Variants in SLC35F4 observed in about 807,000 individuals in gnomAD.
The protein encoded by SLC35F4 is solute carrier family 35 member F4.
In SLC35F4, 24 loss-of-function variants were observed where a neutral mutation model predicts 44.2. The observed-to-expected ratio is 0.54, with a 90% CI of 0.39 to 0.76. The LOEUF is 0.76. Among genes scored for constraint, SLC35F4 ranks in the 30% least tolerant of loss-of-function variants. SLC35F4 has a pLI of 0.00. For synonymous variants in SLC35F4, 238 were observed against 223.6 expected, an observed-to-expected ratio of 1.06 and a Z score of -0.57; for missense variants, 562 against 586.1, an observed-to-expected ratio of 0.96 and a Z score of 0.42.
At chr14:57,654,184 G>C (rs1436817189) in intron 1 of SLC35F4, among the ~76,000 whole-genome samples, 1 of 152,078 alleles carries the variant, frequency 6.6e-6, no homozygotes, top group Admixed American at 6.5e-5. Flanking sequence ...AGGTGGTTTT[G>C]GCTTACATGA....
At chr14:57,815,178 C>T (rs890365403) in intron 1 of SLC35F4, among the ~76,000 whole-genome samples, 2 of 152,098 alleles carry the variant, frequency 1.3e-5, no homozygotes, top group African/African-American at 4.8e-5. Context: ...TAGAATAACA[C>T]CAAAAGTCAC....
At chr14:57,635,630 G>A (rs557900808) in intron 1 of SLC35F4, among the ~76,000 whole-genome samples, 1 of 152,184 alleles carries the variant, frequency 6.6e-6, no homozygotes, top group African/African-American at 2.4e-5. Context: ...AGGTTGAGAT[G>A]AAGCCAGTAA....
intron 3 of SLC35F4, 42 bp from the exon 4 acceptor site, chr14:57,581,475 G>A: frequency 6.5e-7 from 1 of 1,532,012 alleles, no homozygotes; most frequent in Non-Finnish European, 8.9e-7. Context: ...TACTGATGGT[G>A]ACACCTCTTG....
At chr14:57,701,138 A>C (rs927366872) in intron 1 of SLC35F4, among the ~76,000 whole-genome samples, 1 of 150,590 alleles carries the variant, frequency 6.6e-6, no homozygotes, top group Non-Finnish European at 1.5e-5. Flanking sequence ...TGCCTGGCCT[A>C]TTTTTTTTTA....
At chr14:57,759,769 G>A (rs1171223523) in intron 1 of SLC35F4, among the ~76,000 whole-genome samples, 1 of 151,912 alleles carries the variant, frequency 6.6e-6, no homozygotes, top group Non-Finnish European at 1.5e-5. Context: ...GATTAGTAAT[G>A]TTGAGCATCT....
chr14:57,829,932 G>GA (rs1002926330), intron 1 of SLC35F4, among the ~76,000 whole-genome samples: 3 of 152,178 alleles, frequency 2.0e-5, no homozygotes, highest in Admixed American at 6.5e-5. Context: ...TGACTTTATG[G>GA]AAAAAACACA....
intron 1 of SLC35F4, among the ~76,000 whole-genome samples, chr14:57,962,760 T>G (rs989314605): frequency 2.6e-5 from 4 of 152,232 alleles, no homozygotes; most frequent in African/African-American, 9.6e-5. Flanking sequence ...AGGAGAATTT[T>G]GTCTCCTCCC....
At chr14:57,585,175 T>C (rs767034837) in intron 3 of SLC35F4, among the ~76,000 whole-genome samples, 1 of 151,806 alleles carries the variant, frequency 6.6e-6, no homozygotes, top group South Asian at 2.1e-4. Context: ...CCCAAGCACT[T>C]GCAAAGTGGT....
At chr14:57,683,497 T>C (rs889842436) in intron 1 of SLC35F4, among the ~76,000 whole-genome samples, 3 of 152,174 alleles carry the variant, frequency 2.0e-5, no homozygotes, top group African/African-American at 7.2e-5. Flanking sequence ...CGTCATTGCC[T>C]GCTTCTACAG....
chr14:57,910,574 A>G (rs1889198438), intron 1 of SLC35F4, among the ~76,000 whole-genome samples: 1 of 152,048 alleles, frequency 6.6e-6, no homozygotes, highest in Non-Finnish European at 1.5e-5. Flanking sequence ...CTCCTTTGTC[A>G]TAGATTAGTT....
intron 1 of SLC35F4, among the ~76,000 whole-genome samples, chr14:57,977,364 G>A (rs1190820253): frequency 1.3e-5 from 2 of 152,192 alleles, no homozygotes; most frequent in Admixed American, 6.6e-5. Context: ...CAGAAGCTAA[G>A]GATGGTGTAT....
At position 57,651,957 on chromosome 14, in the gene SLC35F4, C is replaced by G. The variant is rs1252261391; in HGVS notation, c.104-57833G>C. Among the ~76,000 whole-genome samples, 3 of 152,136 alleles carry G rather than the reference C, an allele frequency of 2.0e-5. 1 individual carries two copies. The highest frequency in any genetic ancestry group is 2.9e-5 in the Non-Finnish European group (2 of 68,010). The stretch of plus-strand genomic sequence containing the variant: ...GGCAGGGAAGCTTCAGTGGGTAAAG[C>G]CAGCCTCTTCAGCTTAAGGGGTAAT... On this transcript the variant is annotated intron_variant, in intron 1 of 7. Coordinates refer to ENST00000556826, the MANE Select transcript of SLC35F4 (RefSeq NM_001306087.2).
At chr14:57,845,986 C>T (rs147797229) in intron 1 of SLC35F4, among the ~76,000 whole-genome samples, 27 of 152,140 alleles carry the variant, frequency 1.8e-4, no homozygotes, top group South Asian at 8.3e-4. Context: ...GTAATAAGGC[C>T]ATTGAAGACA....
downstream of SLC35F4, among the ~76,000 whole-genome samples, chr14:57,974,495 T>C (rs188374849): frequency 5.4e-4 from 82 of 152,268 alleles, no homozygotes; most frequent in African/African-American, 1.8e-3. Flanking sequence ...TAATCTACCA[T>C]AGACAGGCTG....
At chr14:57,754,705 G>T (rs935881179) in intron 1 of SLC35F4, among the ~76,000 whole-genome samples, 1 of 152,214 alleles carries the variant, frequency 6.6e-6, no homozygotes, top group East Asian at 1.9e-4. Flanking sequence ...TCCTGTTAGT[G>T]TATTCCACCT....
intron 1 of SLC35F4, among the ~76,000 whole-genome samples, chr14:57,849,973 T>C (rs544061433): frequency 6.6e-6 from 1 of 152,208 alleles, no homozygotes; most frequent in Non-Finnish European, 1.5e-5. Context: ...CAGATAAAGA[T>C]GGAAGCAGTG....
rs574242786 is a variant in SLC35F4, at chr14:57,696,782, G to A, written c.104-102658C>T. On this transcript the variant is annotated intron_variant, in intron 1 of 7. Transcript: ENST00000556826. ...TGTCCTTTGCAGGGACATGGATGAC[G>A]CTGGAAACCATCATACTCAGCAAAC... 2.2e-4 allele frequency among the ~76,000 whole-genome samples: 34 copies of A among 152,254 alleles called. 1 individual carries two copies. Among genetic ancestry groups the A allele is most frequent in the South Asian group, 1.4e-3 (7 of 4,830 alleles).
intron 1 of SLC35F4, among the ~76,000 whole-genome samples, chr14:57,742,886 G>A (rs1746558611): frequency 6.6e-6 from 1 of 152,184 alleles, no homozygotes; most frequent in South Asian, 2.1e-4. Context: ...TCAGACCACA[G>A]TGCAATCAAA....
chr14:57,980,235 T>C (rs568662521), intron 1 of SLC35F4, among the ~76,000 whole-genome samples: 2 of 152,296 alleles, frequency 1.3e-5, no homozygotes, highest in African/African-American at 4.8e-5. Flanking sequence ...GATGGTTTTA[T>C]TTTTCTGAAG....
Sources: allele counts gnomAD v4.1 joint callset (sites outside exome capture counted in the v4.1 genomes callset), GRCh38; gene constraint gnomAD v4.1.1; transcripts MANE v1.5; gene names NCBI Gene and HGNC (gene_info 2026-07-23, HGNC 2026-07-21).